ZNHIT6: variants seen among roughly 807,000 people sequenced by gnomAD.
ZNHIT6 encodes the protein zinc finger HIT-type containing 6, also known as box C/D snoRNA protein 1.
A neutral mutation model predicts 57.2 loss-of-function variants in ZNHIT6; 45 were observed. That is an observed-to-expected ratio of 0.79 (90% CI 0.62 to 1.01). ZNHIT6 has a LOEUF of 1.01. Ranked by LOEUF, ZNHIT6 falls within the 50% of genes least tolerant of loss-of-function variation. ZNHIT6 has a pLI of 0.00. For synonymous variants in ZNHIT6, 188 were observed against 190.0 expected, an observed-to-expected ratio of 0.99 and a Z score of 0.09; for missense variants, 528 against 567.3, an observed-to-expected ratio of 0.93 and a Z score of 0.70.
chr1:85,667,369 G>A (rs1358362579), intron 8 of ZNHIT6, among the ~76,000 whole-genome samples: 3 of 152,098 alleles, frequency 2.0e-5, no homozygotes, highest in Non-Finnish European at 4.4e-5. Flanking sequence ...AACTCTTGCA[G>A]GAAACAATTC....
At chr1:85,662,126 C>G (rs1661240235) in intron 8 of ZNHIT6, among the ~76,000 whole-genome samples, 1 of 147,468 alleles carries the variant, frequency 6.8e-6, no homozygotes, top group African/African-American at 2.5e-5. Context: ...ACTTCTTTCT[C>G]TGTACTTTAT....
In ZNHIT6 at chr1:85,706,578, A is replaced by G. The variant is rs1557879784; in HGVS notation, c.657-71T>C. 4 of 1,336,084 alleles carry G rather than the reference A, an allele frequency of 3.0e-6. No individual in the cohort carries two copies. In the South Asian group the frequency reaches 7.1e-5, roughly 24 times the overall value. The allele number at this position is 1,336,084 out of a possible 1,614,324, so 82.8% of individuals were successfully genotyped here. ...ATTTATTTATAAACTTAGAATTCCC[A>G]ATCAATTTATAAACTCAGTGACAAG... is the stretch of plus-strand genomic sequence containing the variant. On this transcript the variant is annotated intron_variant, in intron 1 of 9. Transcript: ENST00000370574.
At chr1:85,696,435 A>C (rs1243511630) in intron 5 of ZNHIT6, among the ~76,000 whole-genome samples, 1 of 152,048 alleles carries the variant, frequency 6.6e-6, no homozygotes, top group Non-Finnish European at 1.5e-5. Context: ...TTTTTGCTTA[A>C]TGGCTGCATG....
chr1:85,706,369 G>A lies in ZNHIT6; in HGVS notation c.723-14C>T, dbSNP rs747904412. On this transcript the variant is annotated splice_polypyrimidine_tract_variant and intron_variant, in intron 2 of 9. Coordinates refer to ENST00000370574, the MANE Select transcript of ZNHIT6 (RefSeq NM_017953.4). ...ACACAGGGCAAACTGAAAAGACAAA[G>A]GGGAAGTACTTTTATATTTTAGGGT... is the stretch of plus-strand genomic sequence containing the variant. 2.5e-6 allele frequency: 4 copies of A among 1,613,668 alleles called. No homozygotes were observed. The South Asian group carries it at 4.4e-5, about 18-fold the overall frequency.
At chr1:85,679,934 G>A (rs1237560441) in intron 6 of ZNHIT6, among the ~76,000 whole-genome samples, 3 of 152,316 alleles carry the variant, frequency 2.0e-5, no homozygotes, top group South Asian at 2.1e-4. Context: ...GGCTGGATGC[G>A]GTGGCTCACA....
At chr1:85,685,437 T>C (rs540082782) in intron 5 of ZNHIT6, among the ~76,000 whole-genome samples, 3 of 152,330 alleles carry the variant, frequency 2.0e-5, no homozygotes, top group South Asian at 2.1e-4. Flanking sequence ...CACAGGTTTA[T>C]ACATATATTG....
chr1:85,656,681 C>T (rs553663306), intron 9 of ZNHIT6, among the ~76,000 whole-genome samples: 1 of 151,996 alleles, frequency 6.6e-6, no homozygotes, highest in South Asian at 2.1e-4. Flanking sequence ...GAAAAAAATT[C>T]TCAAATTGTG....
chr1:85,692,130 G>C (rs1004070383), intron 5 of ZNHIT6, among the ~76,000 whole-genome samples: 3 of 152,114 alleles, frequency 2.0e-5, no homozygotes, highest in Non-Finnish European at 4.4e-5. Flanking sequence ...TCCAGAGTGA[G>C]GTAAGAAGGG....
rs141053310 is a variant in ZNHIT6, at chr1:85,706,305, C to G, written c.773G>C (p.Arg258Pro). Residue 258 changes from arginine to proline, a missense_variant, in exon 3 of 10, where the codon CGA becomes CCA. Transcript: ENST00000370574. ...TATTGAAATGTATGCAGTTTTATCT[C>G]GAACTCCATTACATGTCAGTTCTGC... ...HKAELTCNGV[R>P]DKTAYISIQQ... 1 of 1,613,274 alleles carries G rather than the reference C, an allele frequency of 6.2e-7. No individual in the cohort carries two copies. The highest frequency in any genetic ancestry group is 1.1e-5 in the South Asian group (1 of 90,942).
intron 4 of ZNHIT6, among the ~76,000 whole-genome samples, 185 bp from the exon 5 acceptor site, chr1:85,702,445 G>C (rs1171894340): frequency 6.6e-6 from 1 of 152,068 alleles, no homozygotes; most frequent in African/African-American, 2.4e-5. Context: ...CTCCATTTTA[G>C]CAATAAAAAT....
Position 85,657,879 on chromosome 1 carries a change from C to G in ZNHIT6, c.1340G>C (p.Gly447Ala). 1 of 1,607,620 alleles carries G rather than the reference C, an allele frequency of 6.2e-7. No homozygotes were observed. Among genetic ancestry groups the G allele is most frequent in the Non-Finnish European group, 8.5e-7 (1 of 1,176,952 alleles). Residue 447 changes from glycine to alanine, a missense_variant, in exon 9 of 10, where the codon GGA (glycine) becomes GCA (alanine). Transcript: ENST00000370574. The part of the protein sequence containing the change: ...EYPTLHVVLK[G>A]SNNDMKVLHQ... ...AAGAACTTTCATGTCATTATTGGAT[C>G]CTTTCAATACCACATGTAATGTTGG...
chr1:85,696,897 G>GGCTGGAGT (rs1413582986), intron 5 of ZNHIT6, among the ~76,000 whole-genome samples: 1 of 134,700 alleles, frequency 7.4e-6, no homozygotes, highest in South Asian at 2.3e-4. Flanking sequence ...CTGTCTCCCT[G>GGCTGGAGT]GCTGGAGTGC....
At chr1:85,679,563 GT>G (rs35523771) in intron 6 of ZNHIT6, among the ~76,000 whole-genome samples, 5,747 of 135,238 alleles carry the variant, frequency 0.042, 402 homozygotes, top group African/African-American at 0.15. Flanking sequence ...ACATTAAAAT[GT>G]TTTTTTTTTT....
chr1:85,687,299 C>CAA (rs55889012), intron 5 of ZNHIT6, among the ~76,000 whole-genome samples: 3 of 77,944 alleles, frequency 3.8e-5, no homozygotes, highest in African/African-American at 4.8e-5. Flanking sequence ...AAAAAAAAAA[C>CAA]AAAAAAAAAA....
At chr1:85,654,251 A>C (rs1247477755) in intron 9 of ZNHIT6, among the ~76,000 whole-genome samples, 153 bp from the exon 10 acceptor site, 1 of 152,206 alleles carries the variant, frequency 6.6e-6, no homozygotes. Flanking sequence ...TAGGATATAC[A>C]ATTCTGGCCA....
At chr1:85,706,832 G>T (rs1167184068) in intron 1 of ZNHIT6, among the ~76,000 whole-genome samples, 3 of 152,188 alleles carry the variant, frequency 2.0e-5, no homozygotes, top group Non-Finnish European at 4.4e-5. Context: ...GGTAATGATT[G>T]TATGTGTGTG....
chr1:85,665,423 G>A (rs916094511), intron 8 of ZNHIT6, among the ~76,000 whole-genome samples: 3 of 151,642 alleles, frequency 2.0e-5, no homozygotes, highest in Non-Finnish European at 4.4e-5. Context: ...CCACTGTGCC[G>A]GCCTCAAGTT....
At chr1:85,674,394 C>T (rs996095257) in intron 8 of ZNHIT6, among the ~76,000 whole-genome samples, 11 of 152,060 alleles carry the variant, frequency 7.2e-5, no homozygotes, top group Non-Finnish European at 1.6e-4. Context: ...CTCATCCTCC[C>T]AAAGTGCTGG....
At chr1:85,670,911 G>A (rs1038340684) in intron 8 of ZNHIT6, among the ~76,000 whole-genome samples, 3 of 152,142 alleles carry the variant, frequency 2.0e-5, no homozygotes, top group Admixed American at 6.5e-5. Flanking sequence ...TAGAAAATGC[G>A]TACCAACATT....
Sources: gnomAD v4.1 joint callset for allele counts (sites outside exome capture counted in the v4.1 genomes callset) on GRCh38, gnomAD v4.1.1 for gene constraint, MANE v1.5 for transcripts, NCBI Gene and HGNC (gene_info 2026-07-23, HGNC 2026-07-21) for gene names.